Variants in ALMS1 observed in about 807,000 individuals in gnomAD.
ALMS1 encodes ALMS1 centrosome and basal body associated protein.
In ALMS1, 271 loss-of-function variants were observed where a neutral mutation model predicts 352.2. The ratio of observed to expected loss-of-function variants is 0.77; its 90% CI spans 0.70 to 0.85. ALMS1 has a LOEUF of 0.85. ALMS1 is among the 40% of genes least tolerant of loss of function. ALMS1 has a pLI of 0.00. For missense variants in ALMS1, 5,445 were observed against 4,870.7 expected, an observed-to-expected ratio of 1.12 and a Z score of -3.51; for synonymous variants, 1,865 against 1,761.2, an observed-to-expected ratio of 1.06 and a Z score of -1.48.
At chr2:73,481,349 C>T (rs1431257679) in intron 9 of ALMS1, among the ~76,000 whole-genome samples, 7 of 152,166 alleles carry the variant, frequency 4.6e-5, no homozygotes, top group Admixed American at 4.6e-4. Flanking sequence ...TTCCCCATTG[C>T]TTGTTTTTCT....
intron 11 of ALMS1, among the ~76,000 whole-genome samples, chr2:73,528,390 T>C (rs982104009): frequency 3.3e-5 from 5 of 152,236 alleles, no homozygotes; most frequent in African/African-American, 1.2e-4. Flanking sequence ...ACTTGCTTTA[T>C]ATATCTGGGT....
intron 10 of ALMS1, among the ~76,000 whole-genome samples, chr2:73,492,672 C>T (rs935134493): frequency 6.6e-6 from 1 of 151,572 alleles, no homozygotes; most frequent in African/African-American, 2.4e-5. Context: ...TAGATTGGGG[C>T]AAAAAAACAA....
chr2:73,428,965 A>T (rs1671448214), intron 6 of ALMS1, among the ~76,000 whole-genome samples: 1 of 152,170 alleles, frequency 6.6e-6, no homozygotes, highest in African/African-American at 2.4e-5. Context: ...TGTATGATGG[A>T]GCTTGGAACT....
intron 3 of ALMS1, among the ~76,000 whole-genome samples, chr2:73,419,547 G>A (rs1438840798): frequency 2.6e-5 from 4 of 152,276 alleles, no homozygotes; most frequent in South Asian, 4.1e-4. Flanking sequence ...GTTGCTCACA[G>A]AAGGCAGAAA....
intron 12 of ALMS1, among the ~76,000 whole-genome samples, chr2:73,548,528 G>C (rs143311946): frequency 6.6e-6 from 1 of 152,178 alleles, no homozygotes; most frequent in Non-Finnish European, 1.5e-5. Context: ...ATCTCTCTTG[G>C]AGAACGAGGG....
chr2:73,427,412 C>T lies in ALMS1; in HGVS notation c.1338+859C>T, dbSNP rs1199925969. On this transcript the variant is annotated intron_variant, in intron 6 of 22. Transcript: ENST00000613296. The stretch of plus-strand genomic sequence containing the variant: ...ATGTATATACATGTCTCTTCCCTCT[C>T]TCTATTTATATCATTATTACCATTG... Among the ~76,000 whole-genome samples, 3 of 152,048 alleles carry T rather than the reference C, an allele frequency of 2.0e-5. No individual in the cohort carries two copies. In the East Asian group the frequency reaches 5.8e-4, roughly 29 times the overall value.
chr2:73,522,407 C>T (rs543301561), intron 11 of ALMS1, among the ~76,000 whole-genome samples: 1 of 151,168 alleles, frequency 6.6e-6, no homozygotes, highest in East Asian at 1.9e-4. Flanking sequence ...TTTCTTTTTC[C>T]TTTTTTCCTG....
chr2:73,477,500 A>G (rs937842344), intron 9 of ALMS1, among the ~76,000 whole-genome samples: 5 of 152,022 alleles, frequency 3.3e-5, no homozygotes, highest in Non-Finnish European at 7.4e-5. Context: ...TACTGAAAAA[A>G]AAAAGGCTAG....
At chr2:73,527,381 C>G (rs1328587135) in intron 11 of ALMS1, among the ~76,000 whole-genome samples, 1 of 152,076 alleles carries the variant, frequency 6.6e-6, no homozygotes, top group East Asian at 1.9e-4. Context: ...TACAATTCGG[C>G]AGTTAAGCCA....
chr2:73,397,860 C>T (rs79382699), intron 1 of ALMS1, among the ~76,000 whole-genome samples: 2 of 152,204 alleles, frequency 1.3e-5, no homozygotes. Flanking sequence ...TCCATAGCCT[C>T]CCTCACTGTT....
At chr2:73,562,880 T>C (rs925672615) in intron 15 of ALMS1, among the ~76,000 whole-genome samples, 6 of 150,812 alleles carry the variant, frequency 4.0e-5, no homozygotes, top group Admixed American at 4.0e-4. Context: ...AGAGTGAAAC[T>C]CCATCTCAAA....
At chr2:73,509,264 G>A (rs554955350) in intron 10 of ALMS1, among the ~76,000 whole-genome samples, 3 of 152,194 alleles carry the variant, frequency 2.0e-5, no homozygotes, top group African/African-American at 7.2e-5. Context: ...GGTTACTATT[G>A]TTAGGTGTGA....
Position 73,414,232 on chromosome 2 carries a change from T to TA in ALMS1, c.451-4890dup, listed in dbSNP as rs200478838. ...TTTGCTGTCTTCAGTGTGCCAATCTTACACGTTTTGTTAGACTTACTGGTA... is the reference window on the plus strand; with the variant it reads ...TTTGCTGTCTTCAGTGTGCCAATCTTAACACGTTTTGTTAGACTTACTGGTA... On this transcript the variant is annotated intron_variant, in intron 2 of 22. Transcript: ENST00000613296. Among the ~76,000 whole-genome samples the TA allele has an allele frequency of 8.0e-4, 122 of 152,224 alleles. 2 individuals are homozygous for TA. In the East Asian group the frequency reaches 0.022, roughly 27 times the overall value.
At chr2:73,581,167 T>C (rs1675168562) in intron 16 of ALMS1, among the ~76,000 whole-genome samples, 1 of 152,214 alleles carries the variant, frequency 6.6e-6, no homozygotes, top group South Asian at 2.1e-4. Context: ...TCTTTCCTGC[T>C]TTTAGTATGT....
chr2:73,460,116 T>A (rs976879495), intron 9 of ALMS1, among the ~76,000 whole-genome samples: 44 of 152,168 alleles, frequency 2.9e-4, no homozygotes, highest in Non-Finnish European at 3.2e-4. Context: ...ATCCTCCATA[T>A]ATTTACTTGT....
intron 10 of ALMS1, among the ~76,000 whole-genome samples, chr2:73,518,097 T>G (rs978044917): frequency 2.0e-5 from 3 of 152,042 alleles, no homozygotes; most frequent in Non-Finnish European, 4.4e-5. Context: ...GTTTTTTTTT[T>G]TTTTCTGTTT....
rs573193734 is a variant in ALMS1 at position 73,513,278 on chromosome 2, G to A, written c.9540-6497G>A. Among the ~76,000 whole-genome samples, 9 of 152,030 alleles carry A rather than the reference G, an allele frequency of 5.9e-5. No homozygotes were observed. The South Asian group carries it at 8.3e-4, about 14-fold the overall frequency. On this transcript the variant is annotated intron_variant, in intron 10 of 22. Coordinates refer to ENST00000613296, the MANE Select transcript of ALMS1 (RefSeq NM_001378454.1). The stretch of plus-strand genomic sequence containing the variant: ...CTTGGTCTCTGACTTCCCTGTGTCA[G>A]AATGCTCATCACCCTCAACGTATGG...
At chr2:73,432,594 C>T (rs765534317) in intron 7 of ALMS1, among the ~76,000 whole-genome samples, 3 of 152,124 alleles carry the variant, frequency 2.0e-5, no homozygotes, top group Non-Finnish European at 2.9e-5. Context: ...ACATGTTCCT[C>T]TGTGCCCTCC....
At chr2:73,425,249 T>C (rs1035892726) in intron 5 of ALMS1, among the ~76,000 whole-genome samples, 1 of 152,066 alleles carries the variant, frequency 6.6e-6, no homozygotes, top group Admixed American at 6.6e-5. Context: ...CTTTGGAGGG[T>C]TATGAAAGAA....
Sources: gnomAD v4.1 joint callset for allele counts (sites outside exome capture counted in the v4.1 genomes callset) on GRCh38, gnomAD v4.1.1 for gene constraint, MANE v1.5 for transcripts, NCBI Gene and HGNC (gene_info 2026-07-23, HGNC 2026-07-21) for gene names.